The following DSCAM variants were observed in gnomAD, a reference collection of about 807,000 sequenced individuals.
DSCAM encodes cell adhesion molecule DSCAM.
Under a neutral mutation model 217.7 loss-of-function variants are expected in DSCAM, and 47 were observed. The observed-to-expected ratio is 0.22, with a 90% CI of 0.17 to 0.28. The LOEUF (loss-of-function observed/expected upper bound fraction) is 0.28, where lower values mean the gene tolerates loss of function less well. DSCAM is among the 10% of genes least tolerant of loss of function. The pLI is 1.00. For synonymous variants in DSCAM, 1,056 were observed against 1,015.3 expected (o/e 1.04, Z -0.76); for missense variants, 2,080 against 2,618.3 (o/e 0.79, Z 4.49).
chr21:40,145,254 G>T (rs1170432990), intron 16 of DSCAM, among the ~76,000 whole-genome samples: 1 of 152,172 alleles, frequency 6.6e-6, no homozygotes, highest in Non-Finnish European at 1.5e-5. Flanking sequence ...GTTTGGAAAT[G>T]TAAGAAGACA....
At chr21:40,324,792 T>C (rs576316295) in intron 8 of DSCAM, among the ~76,000 whole-genome samples, 1 of 152,300 alleles carries the variant, frequency 6.6e-6, no homozygotes, top group Non-Finnish European at 1.5e-5. Context: ...GAAAAGCCAT[T>C]TGAATCATCA....
chr21:40,071,118 GAC>G lies in DSCAM; in HGVS notation c.4888+3917_4888+3918del, dbSNP rs570187054. On this transcript the variant is annotated intron_variant, in intron 27 of 32. Transcript: ENST00000400454. ...TTAGAAATATTGGAGTTGATTACTT[GAC>G]ACGGGATCACATTTTATAAGGTTAG... is the stretch of plus-strand genomic sequence containing the variant. Among the ~76,000 whole-genome samples the G allele has an allele frequency of 5.3e-5, 8 of 152,288 alleles. No individual in the cohort carries two copies. In the South Asian group the frequency reaches 1.7e-3, roughly 32 times the overall value.
intron 16 of DSCAM, among the ~76,000 whole-genome samples, chr21:40,148,266 A>G (rs2090382361): frequency 6.6e-6 from 1 of 152,106 alleles, no homozygotes; most frequent in African/African-American, 2.4e-5. Context: ...GGAAGAAGTG[A>G]GATGTGTTTC....
intron 3 of DSCAM, among the ~76,000 whole-genome samples, chr21:40,375,563 T>C (rs2074942079): frequency 6.6e-6 from 1 of 152,230 alleles, no homozygotes; most frequent in African/African-American, 2.4e-5. Flanking sequence ...ATGATCATGG[T>C]CATTCATGAT....
intron 3 of DSCAM, among the ~76,000 whole-genome samples, chr21:40,650,083 G>A (rs1394637719): frequency 6.6e-6 from 1 of 152,204 alleles, no homozygotes; most frequent in Non-Finnish European, 1.5e-5. Context: ...GCAATCACTT[G>A]CAATTTTACC....
intron 3 of DSCAM, among the ~76,000 whole-genome samples, chr21:40,629,076 G>GTATGTGTGTGTAGTAT (rs1555873889): frequency 6.9e-6 from 1 of 144,254 alleles, no homozygotes; most frequent in Non-Finnish European, 1.5e-5. Flanking sequence ...GTGTGTGTGT[G>GTATGTGTGTGTAGTAT]GTGTGTGTGT....
At chr21:40,608,133 T>C (rs1262535336) in intron 3 of DSCAM, among the ~76,000 whole-genome samples, 1 of 152,186 alleles carries the variant, frequency 6.6e-6, no homozygotes, top group Non-Finnish European at 1.5e-5. Context: ...GATTATAAAA[T>C]ATACATAATC....
intron 1 of DSCAM, among the ~76,000 whole-genome samples, chr21:40,818,241 T>C (rs758393022): frequency 5.3e-5 from 8 of 150,432 alleles, no homozygotes; most frequent in Non-Finnish European, 1.2e-4. Context: ...TGTGTTGTTT[T>C]CTTTTTAAAA....
intron 9 of DSCAM, among the ~76,000 whole-genome samples, chr21:40,304,725 G>A (rs1260950081): frequency 6.6e-6 from 1 of 152,208 alleles, no homozygotes; most frequent in Non-Finnish European, 1.5e-5. Flanking sequence ...AAGTAGGGAA[G>A]CTGAGAAATG....
chr21:40,467,945 A>AC (rs949251604), intron 3 of DSCAM, among the ~76,000 whole-genome samples: 283 of 151,428 alleles, frequency 1.9e-3, no homozygotes, highest in African/African-American at 6.4e-3. Flanking sequence ...AAAAAAAAAA[A>AC]AAAAAACTAC....
intron 2 of DSCAM, among the ~76,000 whole-genome samples, chr21:40,705,043 A>C (rs1335436793): frequency 6.6e-6 from 1 of 152,210 alleles, no homozygotes; most frequent in Non-Finnish European, 1.5e-5. Context: ...TCAAGTATCA[A>C]GAGTAAGGGG....
At chr21:40,546,525 C>T (rs2076584333) in intron 3 of DSCAM, among the ~76,000 whole-genome samples, 2 of 152,330 alleles carry the variant, frequency 1.3e-5, no homozygotes, top group East Asian at 1.9e-4. Context: ...TAGGGGGTGA[C>T]AATACCTATG....
intron 3 of DSCAM, among the ~76,000 whole-genome samples, chr21:40,672,582 A>C (rs1380499529): frequency 2.0e-5 from 3 of 152,220 alleles, no homozygotes; most frequent in Non-Finnish European, 4.4e-5. Flanking sequence ...GGAAGGCTTC[A>C]GAAAGATATT....
intron 4 of DSCAM, among the ~76,000 whole-genome samples, chr21:40,358,087 A>G (rs2074715651): frequency 6.6e-6 from 1 of 152,188 alleles, no homozygotes; most frequent in Admixed American, 6.5e-5. Context: ...AATAAACACC[A>G]CAGTGTGCAC....
At chr21:40,258,124 C>T (rs1188043688) in intron 11 of DSCAM, among the ~76,000 whole-genome samples, 3 of 152,202 alleles carry the variant, frequency 2.0e-5, no homozygotes, top group East Asian at 1.9e-4. Context: ...CCTGCATCTC[C>T]GGGGAGAAAG....
rs375539317 is a variant in DSCAM at position 40,174,600 on chromosome 21, C to T, written c.2947+4327G>A. Among the ~76,000 whole-genome samples, 33 of 151,090 alleles carry T rather than the reference C, an allele frequency of 2.2e-4. 1 individual carries two copies. The East Asian group carries it at 6.3e-3, about 29-fold the overall frequency. The stretch of plus-strand genomic sequence containing the variant: ...GGTCTGTAGGTGAAGTTTGGCTCAC[C>T]GACTGTAGTTTGCTGATCCTTCAAT... On this transcript the variant is annotated intron_variant, in intron 15 of 32. Transcript: ENST00000400454.
At chr21:40,602,053 C>CTTTTTTTTT (rs761687929) in intron 3 of DSCAM, among the ~76,000 whole-genome samples, 24 of 89,516 alleles carry the variant, frequency 2.7e-4, no homozygotes, top group African/African-American at 5.8e-4. Flanking sequence ...TCTGCTTCTA[C>CTTTTTTTTT]TTTTTTTTTT....
At chr21:40,559,501 AAGC>A (rs1371484123) in intron 3 of DSCAM, among the ~76,000 whole-genome samples, 1 of 151,736 alleles carries the variant, frequency 6.6e-6, no homozygotes, top group Non-Finnish European at 1.5e-5. Context: ...AAATGATTTT[AAGC>A]AGAATAGGAG....
chr21:40,335,519 A>G (rs888207250), intron 8 of DSCAM, among the ~76,000 whole-genome samples: 16 of 152,190 alleles, frequency 1.1e-4, no homozygotes, highest in Admixed American at 7.8e-4. Context: ...AATAAATGTT[A>G]ATGATTCAAA....
Sources: allele counts gnomAD v4.1 joint callset (sites outside exome capture counted in the v4.1 genomes callset), GRCh38; gene constraint gnomAD v4.1.1; transcripts MANE v1.5; gene names NCBI Gene and HGNC (gene_info 2026-07-23, HGNC 2026-07-21).